Variants in MACF1 observed in about 807,000 individuals in gnomAD.
MACF1 encodes microtubule actin crosslinking factor 1.
In MACF1, 193 loss-of-function variants were observed where a neutral mutation model predicts 854.8. The observed-to-expected ratio is 0.23, with a 90% CI of 0.20 to 0.25. The LOEUF (loss-of-function observed/expected upper bound fraction) is 0.25. Among genes scored for constraint, MACF1 ranks in the 10% least tolerant of loss-of-function variants. MACF1 has a pLI of 1.00. For synonymous variants in MACF1, 3,185 were observed against 3,226.7 expected (o/e 0.99, Z 0.44); for missense variants, 7,722 against 8,929.1 (o/e 0.86, Z 5.45).
chr1:39,120,292 A>G (rs1298114683), intron 2 of MACF1, among the ~76,000 whole-genome samples: 1 of 152,164 alleles, frequency 6.6e-6, no homozygotes, highest in African/African-American at 2.4e-5. Flanking sequence ...GGAATGTTAT[A>G]ATTCTACTTC....
chr1:39,175,608 A>T (rs1401590763), intron 2 of MACF1, among the ~76,000 whole-genome samples: 1 of 152,048 alleles, frequency 6.6e-6, no homozygotes, highest in Non-Finnish European at 1.5e-5. Context: ...TTGTGATTGT[A>T]TTTTATCCTT....
chr1:39,450,156 C>T (rs942298828), intron 84 of MACF1, among the ~76,000 whole-genome samples: 1 of 152,066 alleles, frequency 6.6e-6, no homozygotes, highest in Non-Finnish European at 1.5e-5. Flanking sequence ...GCCACCACGC[C>T]CAGCCATTGT....
At chr1:39,162,243 C>T (rs1257126214) in intron 2 of MACF1, among the ~76,000 whole-genome samples, 1 of 152,098 alleles carries the variant, frequency 6.6e-6, no homozygotes, top group African/African-American at 2.4e-5. Flanking sequence ...CTCAAGTGAT[C>T]TGCCCGCCTT....
At chr1:39,377,833 G>A (rs767312019) in intron 52 of MACF1, among the ~76,000 whole-genome samples, 2 of 151,910 alleles carry the variant, frequency 1.3e-5, no homozygotes, top group African/African-American at 2.4e-5. Flanking sequence ...GTGAAACCCC[G>A]TCTCTACTAA....
intron 2 of MACF1, among the ~76,000 whole-genome samples, chr1:39,187,487 T>C (rs943403878): frequency 6.6e-6 from 1 of 152,192 alleles, no homozygotes; most frequent in Non-Finnish European, 1.5e-5. Context: ...TTCCCTCACC[T>C]GTCTTCCCTG....
At chr1:39,106,015 T>C (rs1473081677) in intron 2 of MACF1, among the ~76,000 whole-genome samples, 2 of 151,940 alleles carry the variant, frequency 1.3e-5, no homozygotes, top group Admixed American at 1.3e-4. Context: ...CCGGCCGCCG[T>C]GGGGAGTTGC....
intron 2 of MACF1, among the ~76,000 whole-genome samples, chr1:39,129,940 G>A (rs1051359904): frequency 1.8e-4 from 28 of 152,168 alleles, no homozygotes; most frequent in African/African-American, 6.5e-4. Context: ...AATGGAGTTT[G>A]ATGGTTTTAA....
intron 2 of MACF1, among the ~76,000 whole-genome samples, chr1:39,239,698 T>C (rs1644900212): frequency 6.6e-6 from 1 of 152,184 alleles, no homozygotes; most frequent in Non-Finnish European, 1.5e-5. Flanking sequence ...AAAAATGCTT[T>C]TTCTGGTCAG....
intron 61 of MACF1, among the ~76,000 whole-genome samples, chr1:39,426,800 G>C (rs1557648459): frequency 6.6e-6 from 1 of 151,238 alleles, no homozygotes. Context: ...TTTTTGTGTT[G>C]GCAAATTCAG....
At chr1:39,174,281 G>A (rs1483325162) in intron 2 of MACF1, among the ~76,000 whole-genome samples, 4 of 152,106 alleles carry the variant, frequency 2.6e-5, no homozygotes, top group Non-Finnish European at 5.9e-5. Flanking sequence ...ATAAAATGGG[G>A]ATTATAGTAG....
At chr1:39,308,250 A>G (rs2148430434) in intron 23 of MACF1, among the ~76,000 whole-genome samples, 2 of 152,198 alleles carry the variant, frequency 1.3e-5, no homozygotes, top group South Asian at 4.1e-4. Flanking sequence ...TCTTGCTTTT[A>G]AGAATTCCCA....
At chr1:39,264,449 T>G (rs2148350233) in intron 6 of MACF1, among the ~76,000 whole-genome samples, 1 of 152,334 alleles carries the variant, frequency 6.6e-6, no homozygotes, top group South Asian at 2.1e-4. Flanking sequence ...TTTTGTCTCT[T>G]GTTCTTTTCT....
In MACF1 at chr1:39,322,909, G is replaced by A; in HGVS notation, c.4138-1G>A. The A allele has an allele frequency of 6.2e-7, 1 of 1,613,448 alleles. No homozygotes were observed. Among genetic ancestry groups the A allele is most frequent in the Non-Finnish European group, 8.5e-7 (1 of 1,179,382 alleles). On this transcript the variant is annotated splice_acceptor_variant, in intron 32 of 100. Coordinates refer to ENST00000564288, the MANE Select transcript of MACF1 (RefSeq NM_001394062.1). LOFTEE classifies it high-confidence loss of function. ...ATTTAAATTGTTCTTTTGAACCACAGTTCATGGACTTAAGGACTCGCTACA... is the reference window on the plus strand; with the variant it reads ...ATTTAAATTGTTCTTTTGAACCACAATTCATGGACTTAAGGACTCGCTACA...
intron 26 of MACF1, among the ~76,000 whole-genome samples, chr1:39,311,594 A>C (rs1278777385): frequency 6.6e-6 from 1 of 152,256 alleles, no homozygotes; most frequent in Non-Finnish European, 1.5e-5. Context: ...AAAAGTAGCA[A>C]ATATTTTTTG....
At chr1:39,416,261 G>A (rs1569982790) in intron 58 of MACF1, among the ~76,000 whole-genome samples, 1 of 151,832 alleles carries the variant, frequency 6.6e-6, no homozygotes, top group Non-Finnish European at 1.5e-5. Context: ...TCATTTTTCC[G>A]AGTTTTATTG....
At chr1:39,474,273 C>T (rs1400463071) in intron 97 of MACF1, among the ~76,000 whole-genome samples, 1 of 151,942 alleles carries the variant, frequency 6.6e-6, no homozygotes. Flanking sequence ...CCTGTTGTCC[C>T]AGCTACTCGA....
chr1:39,293,268 T>C (rs1645832548), intron 17 of MACF1, among the ~76,000 whole-genome samples, 190 bp from the exon 18 acceptor site: 1 of 152,216 alleles, frequency 6.6e-6, no homozygotes, highest in Non-Finnish European at 1.5e-5. Flanking sequence ...AATTCTGTTT[T>C]CTACTTAGGA....
Position 39,332,187 on chromosome 1 carries a change from G to A in MACF1, c.5599G>A (p.Glu1867Lys), listed in dbSNP as rs1389237384. The A allele has an allele frequency of 1.2e-6, 2 of 1,614,058 alleles. No homozygotes were observed. Reference protein sequence around the residue: ...GEILPITDALEQGIVSTELAH... With the variant: ...GEILPITDALKQGIVSTELAH... ...GATCCTCCCAATTACAGATGCCCTA[G>A]AACAAGGTATTGTGTCTACTGAACT... The change falls in exon 37 of 101, where the codon GAA (glutamate) becomes AAA (lysine). Residue 1867 changes from glutamate to lysine, a missense_variant. Around this residue, in one of 15 missense-constraint regions of MACF1, gnomAD observed 1,531 missense variants for 1,601.6 expected, o/e 0.96. Transcript: ENST00000564288.
chr1:39,219,820 A>T (rs1174209782), intron 1 of MACF1, among the ~76,000 whole-genome samples: 1 of 152,144 alleles, frequency 6.6e-6, no homozygotes, highest in Non-Finnish European at 1.5e-5. Context: ...GTGCCATCTC[A>T]GCTCACTGCA....
Sources: allele counts gnomAD v4.1 joint callset (sites outside exome capture counted in the v4.1 genomes callset), GRCh38; gene constraint gnomAD v4.1.1; regional missense constraint gnomAD v4.1.1; transcripts MANE v1.5; gene names NCBI Gene and HGNC (gene_info 2026-07-23, HGNC 2026-07-21).